The following LRBA variants were observed in gnomAD, a reference collection of about 807,000 sequenced individuals.
The protein encoded by LRBA is lipopolysaccharide-responsive and beige-like anchor protein.
In LRBA, 176 loss-of-function variants were observed where a neutral mutation model predicts 330.0. That is an observed-to-expected ratio of 0.53 (90% CI 0.47 to 0.60). The LOEUF (loss-of-function observed/expected upper bound fraction) is 0.60, where lower values mean the gene tolerates loss of function less well. Ranked by LOEUF, LRBA falls within the 20% of genes least tolerant of loss-of-function variation. The probability of loss-of-function intolerance (pLI) is 0.00; values close to 1 mark genes in which losing one functional copy is unlikely to be tolerated. For missense variants in LRBA, 3,259 were observed against 3,444.8 expected (o/e 0.95, Z 1.35); for synonymous variants, 1,230 against 1,193.0 (o/e 1.03, Z -0.64).
chr4:150,444,713 C>T (rs1282653948), intron 44 of LRBA, among the ~76,000 whole-genome samples: 1 of 152,182 alleles, frequency 6.6e-6, no homozygotes, highest in African/African-American at 2.4e-5. Context: ...AACACATCTT[C>T]TTACAAGTGG....
At position 150,690,654 on chromosome 4, in the gene LRBA, C is replaced by G. The variant is rs146080468; in HGVS notation, c.5755-6937G>C. Among the ~76,000 whole-genome samples, 907 of 145,230 alleles carry G rather than the reference C, an allele frequency of 6.2e-3. 9 individuals carry two copies. The highest frequency in any genetic ancestry group is 0.018 in the African/African-American group (708 of 38,992). On this transcript the variant is annotated intron_variant, in intron 36 of 56. Transcript: ENST00000651943. ...TGACAAAATGAAGAAACAACTGGTA[C>G]TGAAACACCTGGCTATCCACATGAG...
At chr4:150,331,020 G>A (rs144541308) in intron 48 of LRBA, among the ~76,000 whole-genome samples, 211 of 152,182 alleles carry the variant, frequency 1.4e-3, no homozygotes, top group African/African-American at 4.9e-3. Flanking sequence ...AACCAAATGA[G>A]TCTCTCAGGG....
chr4:150,761,387 G>C (rs1274610975), intron 35 of LRBA, among the ~76,000 whole-genome samples: 1 of 151,616 alleles, frequency 6.6e-6, no homozygotes. Context: ...TGCGAAACTT[G>C]TCCCCCCTCC....
chr4:150,767,133 G>A (rs1209342678), intron 34 of LRBA, among the ~76,000 whole-genome samples: 1 of 151,790 alleles, frequency 6.6e-6, no homozygotes, highest in Non-Finnish European at 1.5e-5. Flanking sequence ...ATCTATTCCT[G>A]CCTATCCTCA....
chr4:150,443,608 A>G (rs1350006613), intron 44 of LRBA, among the ~76,000 whole-genome samples: 1 of 151,978 alleles, frequency 6.6e-6, no homozygotes, highest in Non-Finnish European at 1.5e-5. Context: ...CAAAAAACCA[A>G]ACACCGCATG....
chr4:150,488,673 A>C (rs1758180924), intron 41 of LRBA, among the ~76,000 whole-genome samples: 2 of 151,134 alleles, frequency 1.3e-5, no homozygotes. Context: ...TTTAACTTCA[A>C]TGTCAGAATC....
chr4:150,771,885 C>T (rs945059873), intron 34 of LRBA, among the ~76,000 whole-genome samples: 2 of 152,152 alleles, frequency 1.3e-5, no homozygotes, highest in Non-Finnish European at 2.9e-5. Flanking sequence ...AACAGGTGTT[C>T]CCAGCCACTT....
At chr4:150,373,177 G>GAGAGAC (rs1554011508) in intron 47 of LRBA, among the ~76,000 whole-genome samples, 27 of 146,362 alleles carry the variant, frequency 1.8e-4, no homozygotes, top group African/African-American at 6.4e-4. Flanking sequence ...GTGTGTGAGA[G>GAGAGAC]AGAGAGAGAG....
chr4:150,881,533 G>C (rs1161192983), intron 17 of LRBA, among the ~76,000 whole-genome samples: 1 of 151,756 alleles, frequency 6.6e-6, no homozygotes, highest in Non-Finnish European at 1.5e-5. Flanking sequence ...AGAAGGAAGG[G>C]GGAAAAGGTT....
intron 40 of LRBA, among the ~76,000 whole-genome samples, chr4:150,520,610 G>C (rs1262784170): frequency 6.6e-6 from 1 of 152,138 alleles, no homozygotes; most frequent in Non-Finnish European, 1.5e-5. Flanking sequence ...GCAGCCATAA[G>C]AAGAATGAGA....
chr4:150,499,630 CT>C (rs529579991), intron 40 of LRBA, among the ~76,000 whole-genome samples: 2,212 of 141,344 alleles, frequency 0.016, 18 homozygotes, highest in Admixed American at 0.02. Context: ...GCAACAGAGA[CT>C]TTTTTTTTTT....
chr4:151,004,673 A>G (rs1027410452), intron 2 of LRBA, among the ~76,000 whole-genome samples: 13 of 152,272 alleles, frequency 8.5e-5, no homozygotes, highest in African/African-American at 3.1e-4. Context: ...ATAATATATT[A>G]GAAGATAAAT....
intron 35 of LRBA, among the ~76,000 whole-genome samples, chr4:150,746,417 C>CAT (rs1019962976): frequency 7.9e-5 from 12 of 152,024 alleles, no homozygotes; most frequent in Non-Finnish European, 1.8e-4. Flanking sequence ...AAATATCAGT[C>CAT]ATATCTTCCT....
intron 47 of LRBA, among the ~76,000 whole-genome samples, chr4:150,357,075 T>C (rs1454246630): frequency 1.3e-5 from 2 of 152,028 alleles, no homozygotes; most frequent in Non-Finnish European, 2.9e-5. Context: ...AAGTTCAGCC[T>C]GAAAAGCAGA....
intron 44 of LRBA, among the ~76,000 whole-genome samples, chr4:150,439,113 T>A (rs967867188): frequency 1.3e-5 from 2 of 152,042 alleles, no homozygotes; most frequent in Admixed American, 1.3e-4. Context: ...GAATGAGCCA[T>A]GGAAAAGAAA....
chr4:151,005,236 G>A (rs1003535814), intron 2 of LRBA, among the ~76,000 whole-genome samples: 7 of 151,768 alleles, frequency 4.6e-5, no homozygotes, highest in Non-Finnish European at 1.0e-4. Flanking sequence ...ATGAGGTCAA[G>A]AGTTCAAGAC....
intron 37 of LRBA, among the ~76,000 whole-genome samples, chr4:150,678,617 A>AT (rs1315778867): frequency 1.3e-5 from 2 of 152,066 alleles, no homozygotes; most frequent in African/African-American, 4.8e-5. Context: ...TTAGCTATTG[A>AT]TTTTTTCCCT....
rs532326442 is a variant in LRBA, at chr4:150,344,253, C to T, written c.7362+5739G>A. 3.9e-5 allele frequency among the ~76,000 whole-genome samples: 6 copies of T among 152,290 alleles called. No individual in the cohort carries two copies. The East Asian group carries it at 1.2e-3, about 29-fold the overall frequency. On this transcript the variant is annotated intron_variant, in intron 48 of 56. Coordinates refer to ENST00000651943, the MANE Select transcript of LRBA (RefSeq NM_001364905.1). ...TTAAATTGTGGTGATGCTTGTACAA[C>T]TCTGTGAATATACTAAAAACTATCA...
chr4:150,577,447 T>C (rs994951173), intron 40 of LRBA, among the ~76,000 whole-genome samples: 11 of 151,184 alleles, frequency 7.3e-5, no homozygotes, highest in Admixed American at 2.0e-4. Context: ...TTCATAAGTA[T>C]GTAGAATGAT....
Sources: gnomAD v4.1 joint callset for allele counts (sites outside exome capture counted in the v4.1 genomes callset) on GRCh38, gnomAD v4.1.1 for gene constraint, MANE v1.5 for transcripts, NCBI Gene and HGNC (gene_info 2026-07-23, HGNC 2026-07-21) for gene names.